The following GRIK1 variants were observed in gnomAD, a reference collection of about 807,000 sequenced individuals.
The protein encoded by GRIK1 is glutamate receptor ionotropic, kainate 1.
GRIK1 carries 69 observed loss-of-function variants against 105.7 expected under a neutral mutation model. The ratio of observed to expected loss-of-function variants is 0.65; its 90% CI spans 0.54 to 0.80. The LOEUF is 0.80. Among genes scored for constraint, GRIK1 ranks in the 30% least tolerant of loss-of-function variants. GRIK1 has a pLI of 0.00. For missense variants in GRIK1, 1,109 were observed against 1,167.3 expected (o/e 0.95, Z 0.73); for synonymous variants, 438 against 431.3 (o/e 1.02, Z -0.19).
intron 1 of GRIK1, among the ~76,000 whole-genome samples, chr21:29,703,168 G>A (rs1873458369): frequency 6.6e-6 from 1 of 152,170 alleles, no homozygotes; most frequent in East Asian, 1.9e-4. Context: ...TATTCTGAAT[G>A]TGACAGGGCC....
At chr21:29,819,844 G>T (rs536220031) in intron 1 of GRIK1, among the ~76,000 whole-genome samples, 10 of 151,942 alleles carry the variant, frequency 6.6e-5, no homozygotes, top group African/African-American at 2.2e-4. Flanking sequence ...GACAGGGACC[G>T]CCTGCAACAT....
chr21:29,798,267 A>G (rs2066610281), intron 1 of GRIK1, among the ~76,000 whole-genome samples: 1 of 152,238 alleles, frequency 6.6e-6, no homozygotes, highest in Non-Finnish European at 1.5e-5. Flanking sequence ...GCGAATGGGA[A>G]GTAATGACTT....
At chr21:29,896,232 A>G (rs973309839) in intron 1 of GRIK1, among the ~76,000 whole-genome samples, 10 of 152,136 alleles carry the variant, frequency 6.6e-5, no homozygotes, top group African/African-American at 1.7e-4. Context: ...CTGATACATT[A>G]TTGCTTTTGA....
At chr21:29,690,660 C>G (rs1019306561) in intron 2 of GRIK1, among the ~76,000 whole-genome samples, 1 of 152,168 alleles carries the variant, frequency 6.6e-6, no homozygotes, top group Non-Finnish European at 1.5e-5. Flanking sequence ...CAACATCAGG[C>G]CTCTTTCTAC....
chr21:29,909,901 G>T (rs1458097875), intron 1 of GRIK1, among the ~76,000 whole-genome samples: 2 of 152,096 alleles, frequency 1.3e-5, no homozygotes, highest in African/African-American at 4.8e-5. Context: ...ACTCAGGGAT[G>T]AATAATTTTA....
At chr21:29,656,606 C>T (rs2062859517) in intron 4 of GRIK1, among the ~76,000 whole-genome samples, 1 of 152,034 alleles carries the variant, frequency 6.6e-6, no homozygotes, top group Non-Finnish European at 1.5e-5. Context: ...CTATGGAAAA[C>T]ATGTACCTTT....
intron 1 of GRIK1, among the ~76,000 whole-genome samples, chr21:29,827,688 G>T (rs1377352998): frequency 6.6e-6 from 1 of 152,088 alleles, no homozygotes; most frequent in African/African-American, 2.4e-5. Context: ...TCTAAAAAAT[G>T]TGTCTGGTAG....
In GRIK1 at chr21:29,606,275, T is replaced by TTTTTA. The variant is rs551391537; in HGVS notation, c.1099-7343_1099-7339dup. ...ATTGACCTATCGGACATTGGCCAGC[T>TTTTTA]TTTTATTTTATTTTATTTTATTTTA... On this transcript the variant is annotated intron_variant, in intron 7 of 17. Transcript: ENST00000327783. 4.2e-3 allele frequency among the ~76,000 whole-genome samples: 632 copies of TTTTTA among 152,228 alleles called. 1 individual carries two copies. Among genetic ancestry groups the TTTTTA allele is most frequent in the African/African-American group, 0.014 (602 of 41,530 alleles).
chr21:29,632,665 C>T (rs2062307314), intron 7 of GRIK1, among the ~76,000 whole-genome samples: 1 of 34,724 alleles, frequency 2.9e-5, no homozygotes, highest in African/African-American at 1.2e-4. Flanking sequence ...ACATATATCA[C>T]AGACTGTATA....
At chr21:29,549,220 A>G (rs2090090989) in intron 16 of GRIK1, among the ~76,000 whole-genome samples, 1 of 152,244 alleles carries the variant, frequency 6.6e-6, no homozygotes, top group African/African-American at 2.4e-5. Context: ...ATTATTTAAC[A>G]AAAACTCATG....
At chr21:29,613,664 G>A (rs999857536) in intron 7 of GRIK1, among the ~76,000 whole-genome samples, 1 of 152,104 alleles carries the variant, frequency 6.6e-6, no homozygotes, top group African/African-American at 2.4e-5. Flanking sequence ...ACTAATAAAA[G>A]TCTTATAAAA....
intron 1 of GRIK1, among the ~76,000 whole-genome samples, chr21:29,723,184 T>G (rs1467133866): frequency 1.3e-5 from 2 of 152,172 alleles, no homozygotes; most frequent in Non-Finnish European, 2.9e-5. Context: ...AAATTTATAG[T>G]TTGGAAATGC....
At chr21:29,823,085 G>A (rs1392861519) in intron 1 of GRIK1, among the ~76,000 whole-genome samples, 1 of 151,940 alleles carries the variant, frequency 6.6e-6, no homozygotes, top group Non-Finnish European at 1.5e-5. Context: ...ATAAGATAGG[G>A]TTAGCTCCAG....
chr21:29,580,045 GTATATATGTATATA>G (rs2090988182), intron 13 of GRIK1, among the ~76,000 whole-genome samples: 1 of 141,988 alleles, frequency 7.0e-6, no homozygotes, highest in Non-Finnish European at 1.5e-5. Flanking sequence ...GTGTATATAT[GTATATATGTATATA>G]TATATGTGTA....
At chr21:29,875,690 T>G (rs949794377) in intron 1 of GRIK1, among the ~76,000 whole-genome samples, 2 of 152,176 alleles carry the variant, frequency 1.3e-5, no homozygotes, top group African/African-American at 4.8e-5. Flanking sequence ...ATATGTTTAT[T>G]TTAGTTTAAT....
At chr21:29,725,007 TAAAA>T (rs76948130) in intron 1 of GRIK1, among the ~76,000 whole-genome samples, 9 of 112,076 alleles carry the variant, frequency 8.0e-5, no homozygotes, top group Non-Finnish European at 1.0e-4. Flanking sequence ...CTTTGCCACC[TAAAA>T]AAAAAAAAAA....
chr21:29,694,142 T>C, intron 1 of GRIK1, 79 bp from the exon 2 acceptor site: 1 of 920,650 alleles, frequency 1.1e-6, no homozygotes, highest in Non-Finnish European at 1.6e-6. Flanking sequence ...TTTTTTTTTT[T>C]GAGACGGAGT....
chr21:29,689,271 T>G (rs184266540), intron 3 of GRIK1, among the ~76,000 whole-genome samples: 1 of 152,224 alleles, frequency 6.6e-6, no homozygotes, highest in Admixed American at 6.5e-5. Flanking sequence ...CCCTTTCCCA[T>G]GACATAATCC....
intron 1 of GRIK1, among the ~76,000 whole-genome samples, chr21:29,803,520 C>T (rs1388351739): frequency 6.6e-6 from 1 of 152,054 alleles, no homozygotes; most frequent in Non-Finnish European, 1.5e-5. Context: ...TGGGCTGGGG[C>T]TCTGAACTTC....
Sources: gnomAD v4.1 joint callset for allele counts (sites outside exome capture counted in the v4.1 genomes callset) on GRCh38, gnomAD v4.1.1 for gene constraint, MANE v1.5 for transcripts, NCBI Gene and HGNC (gene_info 2026-07-23, HGNC 2026-07-21) for gene names.